DIP2B: variants seen among roughly 807,000 people sequenced by gnomAD.
The protein encoded by DIP2B is DIP2 acetate--CoA ligase B (putative).
Under a neutral mutation model 198.0 loss-of-function variants are expected in DIP2B, and 76 were observed. The observed-to-expected ratio is 0.38, with a 90% CI of 0.32 to 0.46. The LOEUF is 0.46. DIP2B is among the 20% of genes least tolerant of loss of function. The probability of loss-of-function intolerance (pLI) is 0.99; values close to 1 mark genes in which losing one functional copy is unlikely to be tolerated. For missense variants in DIP2B, 1,559 were observed against 1,978.4 expected (o/e 0.79, Z 4.02); for synonymous variants, 701 against 739.1 (o/e 0.95, Z 0.84).
intron 2 of DIP2B, among the ~76,000 whole-genome samples, chr12:50,638,862 A>AG (rs1938204622): frequency 4.6e-5 from 1 of 21,736 alleles, no homozygotes; most frequent in African/African-American, 2.2e-4. Context: ...GAAGTGTTTC[A>AG]GATTTTTTTT....
chr12:50,606,302 G>A (rs1593650960), intron 1 of DIP2B, among the ~76,000 whole-genome samples: 1 of 151,952 alleles, frequency 6.6e-6, no homozygotes, highest in African/African-American at 2.4e-5. Flanking sequence ...TTTAGTTTTT[G>A]TAGAGATGAG....
intron 4 of DIP2B, among the ~76,000 whole-genome samples, chr12:50,670,373 A>G (rs1014523309): frequency 1.3e-5 from 2 of 151,978 alleles, no homozygotes; most frequent in African/African-American, 4.8e-5. Context: ...ACGCCACTTC[A>G]TTCCCTAGCA....
chr12:50,510,550 C>G (rs1183604248), intron 1 of DIP2B, among the ~76,000 whole-genome samples: 1 of 152,104 alleles, frequency 6.6e-6, no homozygotes, highest in Non-Finnish European at 1.5e-5. Flanking sequence ...CCATGGTTCT[C>G]TCTCATGTGA....
intron 26 of DIP2B, 96 bp from the exon 27 acceptor site, chr12:50,723,106 G>A: frequency 6.7e-7 from 1 of 1,493,934 alleles, no homozygotes; most frequent in Non-Finnish European, 9.1e-7. Context: ...AACCTGTCTG[G>A]CACATGATTT....
At chr12:50,731,302 T>C in intron 30 of DIP2B, 67 bp from the exon 31 acceptor site, 1 of 1,554,310 alleles carries the variant, frequency 6.4e-7, no homozygotes, top group Non-Finnish European at 8.7e-7. Flanking sequence ...GTGGAATTGG[T>C]GGGGTTCTGA....
intron 22 of DIP2B, among the ~76,000 whole-genome samples, chr12:50,710,527 G>A (rs7965652): frequency 0.32 from 48,323 of 151,754 alleles, 7,865 homozygotes; most frequent in South Asian, 0.36. Flanking sequence ...GGGTTCAAGC[G>A]ATTCTCCTGT....
At chr12:50,623,891 T>C (rs2139466870) in intron 1 of DIP2B, among the ~76,000 whole-genome samples, 1 of 152,270 alleles carries the variant, frequency 6.6e-6, no homozygotes, top group African/African-American at 2.4e-5. Context: ...TCTTCTTCCA[T>C]GGTGACAAAA....
chr12:50,511,289 C>CTCTTTTTTTTTT (rs1316212138), intron 1 of DIP2B, among the ~76,000 whole-genome samples: 6 of 20,942 alleles, frequency 2.9e-4, no homozygotes, highest in Non-Finnish European at 3.2e-4. Context: ...AGTGTGATTT[C>CTCTTTTTTTTTT]TATTTTTTTT....
chr12:50,739,570 C>T lies in DIP2B; in HGVS notation c.4338C>T (p.Leu1446=). 1.2e-6 allele frequency: 2 copies of T among 1,613,864 alleles called. No homozygotes were observed. Among genetic ancestry groups the T allele is most frequent in the Middle Eastern group, 1.7e-4 (1 of 6,036 alleles). ...TTGGTTTTGTCCGCCGGACCGAGCT[C>T]ACAGCGGCCACTGGAGGTACTTCTG... The part of the protein sequence containing the change: ...GYLGFVRRTE[L]TAATGERHDA... Residue 1446 remains leucine, a synonymous_variant, in exon 36 of 38, where the codon CTC becomes CTT. Coordinates refer to ENST00000301180, the MANE Select transcript of DIP2B (RefSeq NM_173602.3).
chr12:50,617,219 G>T (rs531578771), intron 1 of DIP2B, among the ~76,000 whole-genome samples: 1 of 151,164 alleles, frequency 6.6e-6, no homozygotes, highest in South Asian at 2.1e-4. Context: ...GCAGTGGCGC[G>T]ATCTCGGCTC....
intron 1 of DIP2B, among the ~76,000 whole-genome samples, chr12:50,515,543 G>A (rs1332351855): frequency 1.3e-5 from 2 of 152,108 alleles, no homozygotes; most frequent in African/African-American, 2.4e-5. Context: ...CTGTGGACTG[G>A]TATCTTTATG....
intron 3 of DIP2B, among the ~76,000 whole-genome samples, chr12:50,656,232 C>T (rs187512724): frequency 1.1e-3 from 162 of 152,228 alleles, no homozygotes; most frequent in Non-Finnish European, 1.1e-3. Context: ...AAAGATACCC[C>T]AATAGCACTG....
intron 1 of DIP2B, among the ~76,000 whole-genome samples, chr12:50,542,519 G>C (rs561337330): frequency 6.6e-6 from 1 of 152,164 alleles, no homozygotes; most frequent in Non-Finnish European, 1.5e-5. Context: ...GCCCATGTCT[G>C]ATGTGGAGGG....
At chr12:50,626,676 A>G (rs1937941171) in intron 2 of DIP2B, among the ~76,000 whole-genome samples, 1 of 152,006 alleles carries the variant, frequency 6.6e-6, no homozygotes, top group South Asian at 2.1e-4. Context: ...TTCTGCTTAT[A>G]TCACTTTTAC....
At chr12:50,512,354 G>A (rs1255646754) in intron 1 of DIP2B, among the ~76,000 whole-genome samples, 9 of 151,788 alleles carry the variant, frequency 5.9e-5, no homozygotes, top group Middle Eastern at 3.4e-3. Flanking sequence ...TGATCTGCCC[G>A]CATCGGCCTC....
At position 50,748,253 on chromosome 12, in the gene DIP2B, T is replaced by A. The variant is rs1055079653; in HGVS notation, c.*3414T>A. On this transcript the variant is annotated 3_prime_UTR_variant, in exon 38 of 38. Coordinates refer to ENST00000301180, the MANE Select transcript of DIP2B (RefSeq NM_173602.3). ...ACCTCATCCTCAAACTCCAACAAGA[T>A]CTATGCCTTAGTGTTGTTTTTGTTG... 10 of 152,646 alleles carry A rather than the reference T, an allele frequency of 6.6e-5. No homozygotes were observed. Among genetic ancestry groups the A allele is most frequent in the African/African-American group, 2.4e-4 (10 of 41,458 alleles). 9.5% of individuals were successfully genotyped at this position (152,646 alleles called of 1,614,324 possible).
rs544660515 is a variant in DIP2B, at chr12:50,735,650, A to G, written c.4101+520A>G. The stretch of plus-strand genomic sequence containing the variant: ...CAGCTAATTTTTGTGTTTTTAGTAA[A>G]GATGGGGTTTCACCATGTTGGCCAG... On this transcript the variant is annotated intron_variant, in intron 34 of 37. Coordinates refer to ENST00000301180, the MANE Select transcript of DIP2B (RefSeq NM_173602.3). 3.9e-4 allele frequency among the ~76,000 whole-genome samples: 59 copies of G among 152,128 alleles called. 1 individual carries two copies. The South Asian group carries it at 0.01, about 26-fold the overall frequency.
At chr12:50,568,388 A>G (rs774859498) in intron 1 of DIP2B, among the ~76,000 whole-genome samples, 3 of 152,180 alleles carry the variant, frequency 2.0e-5, no homozygotes, top group East Asian at 1.9e-4. Flanking sequence ...AGACCTCAAG[A>G]TAGGGCCAGC....
chr12:50,746,311 A>G lies in DIP2B; in HGVS notation c.*1472A>G, dbSNP rs570903416. 7.9e-5 allele frequency: 12 copies of G among 152,344 alleles called. No individual in the cohort carries two copies. The South Asian group carries it at 2.5e-3, about 32-fold the overall frequency. 9.4% of individuals were successfully genotyped at this position (152,344 alleles called of 1,614,324 possible). ...AAAGCAGAATGGTTCTCTTTGACCCACTCTGGTCTATTGTGTAAATATTTA... is the reference window on the plus strand; with the variant it reads ...AAAGCAGAATGGTTCTCTTTGACCCGCTCTGGTCTATTGTGTAAATATTTA... On this transcript the variant is annotated 3_prime_UTR_variant, in exon 38 of 38. Coordinates refer to ENST00000301180, the MANE Select transcript of DIP2B (RefSeq NM_173602.3).
Sources: allele counts gnomAD v4.1 joint callset (sites outside exome capture counted in the v4.1 genomes callset), GRCh38; gene constraint gnomAD v4.1.1; transcripts MANE v1.5; gene names NCBI Gene and HGNC (gene_info 2026-07-23, HGNC 2026-07-21).